The following NKAIN2 variants were observed in gnomAD, a reference collection of about 807,000 sequenced individuals.
NKAIN2 encodes sodium/potassium transporting ATPase interacting 2.
A neutral mutation model predicts 32.6 loss-of-function variants in NKAIN2; 14 were observed. That is an observed-to-expected ratio of 0.43 (90% CI 0.28 to 0.67). The LOEUF (loss-of-function observed/expected upper bound fraction) is 0.67, where lower values mean the gene tolerates loss of function less well. NKAIN2 is among the 30% of genes least tolerant of loss of function. NKAIN2 has a pLI of 0.17. For missense variants in NKAIN2, 198 were observed against 258.3 expected (o/e 0.77, Z 1.60); for synonymous variants, 80 against 87.2 (o/e 0.92, Z 0.46).
chr6:124,531,148 G>T (rs1331191763), intron 3 of NKAIN2, among the ~76,000 whole-genome samples: 1 of 152,188 alleles, frequency 6.6e-6, no homozygotes. Flanking sequence ...AACCTCATTA[G>T]AACCTGACCA....
chr6:124,441,100 T>C (rs1053302939), intron 3 of NKAIN2, among the ~76,000 whole-genome samples: 1 of 152,102 alleles, frequency 6.6e-6, no homozygotes, highest in Non-Finnish European at 1.5e-5. Context: ...TGGAAGCTTA[T>C]GAATGGTCAG....
chr6:124,412,195 G>A (rs187970721), intron 3 of NKAIN2, among the ~76,000 whole-genome samples: 80 of 152,232 alleles, frequency 5.3e-4, no homozygotes, highest in South Asian at 1.9e-3. Context: ...GTCAGTCTCC[G>A]TCCAGCTTTG....
At chr6:124,259,716 T>C (rs1287651166) in intron 1 of NKAIN2, among the ~76,000 whole-genome samples, 1 of 151,780 alleles carries the variant, frequency 6.6e-6, no homozygotes, top group Non-Finnish European at 1.5e-5. Context: ...CAAGGCAGAG[T>C]GGGTCCACTT....
chr6:124,618,360 C>A (rs1216159827), intron 3 of NKAIN2, among the ~76,000 whole-genome samples: 2 of 152,124 alleles, frequency 1.3e-5, no homozygotes, highest in Non-Finnish European at 2.9e-5. Context: ...TGCCTGTAAT[C>A]CCACTTACTC....
chr6:123,843,729 T>C (rs1295453521), intron 1 of NKAIN2, among the ~76,000 whole-genome samples: 1 of 152,028 alleles, frequency 6.6e-6, no homozygotes, highest in African/African-American at 2.4e-5. Flanking sequence ...GGATCAGAGC[T>C]ACAGAAAGAA....
chr6:124,181,003 C>T (rs1452781610), intron 1 of NKAIN2, among the ~76,000 whole-genome samples: 1 of 152,210 alleles, frequency 6.6e-6, no homozygotes, highest in African/African-American at 2.4e-5. Flanking sequence ...CAGAGGTTCT[C>T]CATGAAGGTT....
intron 3 of NKAIN2, among the ~76,000 whole-genome samples, chr6:124,396,442 A>AG (rs1491518773): frequency 2.0e-5 from 3 of 148,740 alleles, no homozygotes; most frequent in Non-Finnish European, 4.5e-5. Context: ...AAAAAAAAAA[A>AG]GAAAAGAAAA....
intron 1 of NKAIN2, among the ~76,000 whole-genome samples, chr6:124,021,703 T>C (rs114889460): frequency 0.024 from 3,612 of 152,062 alleles, 143 homozygotes; most frequent in African/African-American, 0.083. Context: ...CCCATCTATA[T>C]ATATCTATAC....
chr6:124,738,898 TTTTC>T (rs1777073515), intron 4 of NKAIN2, among the ~76,000 whole-genome samples: 1 of 151,940 alleles, frequency 6.6e-6, no homozygotes, highest in Non-Finnish European at 1.5e-5. Flanking sequence ...TTAGCAATTA[TTTTC>T]TTTGTTATTC....
intron 2 of NKAIN2, among the ~76,000 whole-genome samples, chr6:124,347,563 T>C (rs1220216976): frequency 4.6e-5 from 7 of 152,180 alleles, no homozygotes; most frequent in Non-Finnish European, 1.0e-4. Context: ...TAAACTTCCC[T>C]TCTCACTTCA....
intron 4 of NKAIN2, among the ~76,000 whole-genome samples, chr6:124,736,078 T>G (rs1312473113): frequency 6.6e-6 from 1 of 151,844 alleles, no homozygotes; most frequent in African/African-American, 2.4e-5. Context: ...AAGTTGTCAA[T>G]GCAAAGGAAA....
chr6:124,204,018 A>C (rs1790728762), intron 1 of NKAIN2, among the ~76,000 whole-genome samples: 1 of 151,898 alleles, frequency 6.6e-6, no homozygotes, highest in South Asian at 2.1e-4. Flanking sequence ...TAGTGCACAC[A>C]CTATTGCAGC....
At chr6:124,067,795 C>T (rs78754712) in intron 1 of NKAIN2, among the ~76,000 whole-genome samples, 2,041 of 152,262 alleles carry the variant, frequency 0.013, 33 homozygotes, top group African/African-American at 0.039. Flanking sequence ...ATGATGACTT[C>T]ACAGGGCAAA....
intron 3 of NKAIN2, among the ~76,000 whole-genome samples, chr6:124,602,363 T>C (rs1416221777): frequency 1.3e-5 from 2 of 152,026 alleles, no homozygotes; most frequent in African/African-American, 4.8e-5. Flanking sequence ...TTTATTCGGG[T>C]TCATTTATCC....
intron 4 of NKAIN2, among the ~76,000 whole-genome samples, chr6:124,711,513 C>G (rs933590203): frequency 4.6e-5 from 7 of 151,174 alleles, no homozygotes; most frequent in Non-Finnish European, 1.0e-4. Context: ...AGTCTTCTCT[C>G]ATTTCTTTTT....
intron 1 of NKAIN2, among the ~76,000 whole-genome samples, chr6:123,891,195 G>A (rs1336993907): frequency 6.6e-6 from 1 of 152,064 alleles, no homozygotes; most frequent in Non-Finnish European, 1.5e-5. Flanking sequence ...GTGGGGTTGG[G>A]CAAATTGAGA....
At chr6:124,449,035 T>C (rs1053116647) in intron 3 of NKAIN2, among the ~76,000 whole-genome samples, 3 of 152,106 alleles carry the variant, frequency 2.0e-5, no homozygotes, top group Admixed American at 6.6e-5. Context: ...TTAATGACTA[T>C]GCTCCATAAA....
At chr6:124,049,275 T>C (rs1194237787) in intron 1 of NKAIN2, among the ~76,000 whole-genome samples, 1 of 152,062 alleles carries the variant, frequency 6.6e-6, no homozygotes, top group Admixed American at 6.6e-5. Flanking sequence ...TAAATGATTA[T>C]GAAAAGTAGG....
intron 4 of NKAIN2, among the ~76,000 whole-genome samples, chr6:124,694,927 G>A (rs1223925580): frequency 6.6e-6 from 1 of 151,268 alleles, no homozygotes; most frequent in Non-Finnish European, 1.5e-5. Context: ...ATAGGTGATA[G>A]AAGGTTTTGT....
Sources: gnomAD v4.1 joint callset for allele counts (sites outside exome capture counted in the v4.1 genomes callset) on GRCh38, gnomAD v4.1.1 for gene constraint, MANE v1.5 for transcripts, NCBI Gene and HGNC (gene_info 2026-07-23, HGNC 2026-07-21) for gene names.